Variants in LRMDA observed in about 807,000 individuals in gnomAD.
LRMDA encodes leucine rich melanocyte differentiation associated.
Under a neutral mutation model 29.8 loss-of-function variants are expected in LRMDA, and 18 were observed. The observed-to-expected ratio is 0.60, with a 90% CI of 0.42 to 0.90. The LOEUF (loss-of-function observed/expected upper bound fraction) is 0.90. LRMDA is among the 40% of genes least tolerant of loss of function. The pLI, the probability that LRMDA is intolerant of heterozygous loss-of-function variation, is 0.00. For synonymous variants in LRMDA, 125 were observed against 109.4 expected (o/e 1.14, Z -0.89); for missense variants, 273 against 273.9 (o/e 1.00, Z 0.02).
intron 5 of LRMDA, among the ~76,000 whole-genome samples, chr10:76,224,097 C>T (rs1298338185): frequency 6.6e-6 from 1 of 152,074 alleles, no homozygotes; most frequent in Non-Finnish European, 1.5e-5. Flanking sequence ...GGTTGCTAAG[C>T]CCTGTCCTAG....
At chr10:75,985,815 G>A (rs756903253) in intron 2 of LRMDA, among the ~76,000 whole-genome samples, 4 of 152,282 alleles carry the variant, frequency 2.6e-5, no homozygotes, top group East Asian at 3.9e-4. Context: ...GAAAAGACCC[G>A]CCAAAGGAAG....
chr10:76,088,376 C>A (rs1183643505), intron 5 of LRMDA, among the ~76,000 whole-genome samples: 1 of 152,152 alleles, frequency 6.6e-6, no homozygotes, highest in Non-Finnish European at 1.5e-5. Context: ...TTCATTCTTC[C>A]TATTGAGGAG....
intron 5 of LRMDA, among the ~76,000 whole-genome samples, chr10:76,314,200 T>C (rs1318607439): frequency 6.6e-6 from 1 of 152,184 alleles, no homozygotes; most frequent in African/African-American, 2.4e-5. Context: ...CACAAGTTAA[T>C]ATTTTGCTAC....
At chr10:76,288,318 A>C (rs1469382562) in intron 5 of LRMDA, among the ~76,000 whole-genome samples, 1 of 152,186 alleles carries the variant, frequency 6.6e-6, no homozygotes, top group Non-Finnish European at 1.5e-5. Context: ...TCATTCTACT[A>C]TAAAAGACAC....
intron 4 of LRMDA, among the ~76,000 whole-genome samples, chr10:76,050,983 TC>T (rs1383511137): frequency 6.6e-6 from 1 of 152,162 alleles, no homozygotes; most frequent in Non-Finnish European, 1.5e-5. Context: ...CTTGCTTTAC[TC>T]CCTCCTCCCT....
chr10:76,165,444 G>C (rs986518676), intron 5 of LRMDA, among the ~76,000 whole-genome samples: 1 of 152,076 alleles, frequency 6.6e-6, no homozygotes, highest in Non-Finnish European at 1.5e-5. Flanking sequence ...ACTAGCTTTT[G>C]TATTTTTAGT....
intron 5 of LRMDA, among the ~76,000 whole-genome samples, chr10:76,190,610 A>C (rs912522940): frequency 1.3e-5 from 2 of 152,172 alleles, no homozygotes; most frequent in Non-Finnish European, 2.9e-5. Context: ...GGGAATTGCC[A>C]TTGAAAAGTT....
At chr10:75,910,082 T>G (rs999031915) in intron 2 of LRMDA, among the ~76,000 whole-genome samples, 5 of 152,232 alleles carry the variant, frequency 3.3e-5, no homozygotes, top group Non-Finnish European at 7.3e-5. Context: ...TAGGAGAAAC[T>G]TGAGTTGGGT....
intron 5 of LRMDA, among the ~76,000 whole-genome samples, chr10:76,072,611 A>T (rs1848892787): frequency 6.6e-6 from 1 of 152,208 alleles, no homozygotes; most frequent in Admixed American, 6.5e-5. Context: ...ATGAAAAATG[A>T]ACATGGAGCT....
At chr10:75,723,984 C>T (rs1842600734) in intron 2 of LRMDA, among the ~76,000 whole-genome samples, 1 of 152,054 alleles carries the variant, frequency 6.6e-6, no homozygotes, top group African/African-American at 2.4e-5. Flanking sequence ...GATTGTTTGT[C>T]CAAGCATATC....
intron 2 of LRMDA, among the ~76,000 whole-genome samples, chr10:75,845,251 C>T (rs1185784519): frequency 6.6e-6 from 1 of 151,634 alleles, no homozygotes; most frequent in Non-Finnish European, 1.5e-5. Flanking sequence ...AGACGGGTGG[C>T]TGTTGCACAA....
intron 5 of LRMDA, among the ~76,000 whole-genome samples, chr10:76,238,779 A>AT (rs1355312316): frequency 2.8e-5 from 4 of 140,728 alleles, no homozygotes; most frequent in Non-Finnish European, 6.0e-5. Context: ...TATTTTAAGG[A>AT]TTTTCCAAAA....
intron 2 of LRMDA, among the ~76,000 whole-genome samples, chr10:75,672,034 G>A (rs1404636571): frequency 1.3e-5 from 2 of 152,092 alleles, no homozygotes; most frequent in Non-Finnish European, 2.9e-5. Context: ...TTCTTTATGG[G>A]TTTGGGGCAC....
intron 2 of LRMDA, among the ~76,000 whole-genome samples, chr10:75,729,865 A>G (rs932735449): frequency 6.6e-6 from 1 of 152,192 alleles, no homozygotes; most frequent in Non-Finnish European, 1.5e-5. Context: ...TAGCACGATC[A>G]TAGCTCACTA....
chr10:76,319,739 C>G (rs1177761441), intron 5 of LRMDA, among the ~76,000 whole-genome samples: 1 of 118,304 alleles, frequency 8.5e-6, no homozygotes, highest in Non-Finnish European at 1.8e-5. Context: ...GTGAAGATTG[C>G]TTTTGCTTGA....
chr10:76,295,508 A>C (rs1018168041), intron 5 of LRMDA, among the ~76,000 whole-genome samples: 12 of 152,222 alleles, frequency 7.9e-5, no homozygotes. Context: ...CCTGGATACC[A>C]GGCACAGTTT....
At chr10:76,441,553 A>G (rs1842303121) in intron 6 of LRMDA, among the ~76,000 whole-genome samples, 1 of 152,190 alleles carries the variant, frequency 6.6e-6, no homozygotes, top group Non-Finnish European at 1.5e-5. Flanking sequence ...AGGCACACAT[A>G]AAGTACGGTC....
At chr10:76,405,634 G>A (rs1841894957) in intron 6 of LRMDA, among the ~76,000 whole-genome samples, 1 of 152,206 alleles carries the variant, frequency 6.6e-6, no homozygotes, top group South Asian at 2.1e-4. Flanking sequence ...ACAACTGACG[G>A]GATGTGTTTG....
intron 5 of LRMDA, among the ~76,000 whole-genome samples, chr10:76,125,863 A>G (rs1336678264): frequency 2.0e-5 from 3 of 152,230 alleles, no homozygotes; most frequent in African/African-American, 7.2e-5. Context: ...CTACTCCTGT[A>G]GACAATTCCT....
Sources: gnomAD v4.1 joint callset for allele counts (sites outside exome capture counted in the v4.1 genomes callset) on GRCh38, gnomAD v4.1.1 for gene constraint, MANE v1.5 for transcripts, NCBI Gene and HGNC (gene_info 2026-07-23, HGNC 2026-07-21) for gene names.